The following NEMP2 variants were observed in gnomAD, a reference collection of about 807,000 sequenced individuals.
NEMP2 encodes the protein nuclear envelope integral membrane protein 2.
In NEMP2, 53 loss-of-function variants were observed where a neutral mutation model predicts 54.2. That is an observed-to-expected ratio of 0.98 (90% CI 0.78 to 1.23). The LOEUF is 1.23. Among genes scored for constraint, NEMP2 ranks in the 50% most tolerant of loss-of-function variants. The probability of loss-of-function intolerance (pLI) is 0.00; values close to 1 mark genes in which losing one functional copy is unlikely to be tolerated. For synonymous variants in NEMP2, 197 were observed against 190.3 expected (o/e 1.04, Z -0.29); for missense variants, 455 against 511.3 (o/e 0.89, Z 1.06).
rs2125322927 is a variant in NEMP2, at chr2:190,519,055, A to G, written c.342T>C (p.Ser114=). Reference sequence around the variant, plus strand: ...GATTGATGATTATGGTTATTTCGTTAGATTCCTTTGGTATCCAAAAGTTAT... The same window carrying G: ...GATTGATGATTATGGTTATTTCGTTGGATTCCTTTGGTATCCAAAAGTTAT... ...VIHNFWIPKE[S]NEITIIINPY... is the part of the protein sequence containing the mutation. Residue 114 remains serine, a synonymous_variant, in exon 3 of 9, where the codon TCT becomes TCC. Coordinates refer to ENST00000409150, the MANE Select transcript of NEMP2 (RefSeq NM_001142645.2). The surrounding 1 kb of genome is among the most constrained non-coding windows in gnomAD (Gnocchi z 5.4). The G allele has an allele frequency of 1.3e-6, 2 of 1,551,324 alleles. No homozygotes were observed. Among genetic ancestry groups the G allele is most frequent in the East Asian group, 4.9e-5 (2 of 40,904 alleles).
chr2:190,595,998 C>A, the NEMP2 span, among the ~76,000 whole-genome samples: 3 of 152,052 alleles, frequency 2.0e-5, no homozygotes. The surrounding 1 kb of genome is among the most constrained non-coding windows in gnomAD (Gnocchi z 4.0). Flanking sequence ...TGGAACCAAC[C>A]CAAATGTCCA....
rs1469954174 is a variant in NEMP2, at chr2:190,510,960, A to G, written c.954-423T>C. ...AATACTTCTTAACTTCCTCTATATCATATCTATACTTTTTTATTGCTGTTA... is the reference window on the plus strand; with the variant it reads ...AATACTTCTTAACTTCCTCTATATCGTATCTATACTTTTTTATTGCTGTTA... On this transcript the variant is annotated intron_variant, in intron 7 of 8. Coordinates refer to ENST00000409150, the MANE Select transcript of NEMP2 (RefSeq NM_001142645.2). The surrounding 1 kb of genome is among the most constrained non-coding windows in gnomAD (Gnocchi z 5.7). Among the ~76,000 whole-genome samples, 1 of 152,080 alleles carries G rather than the reference A, an allele frequency of 6.6e-6. No individual in the cohort carries two copies. Among genetic ancestry groups the G allele is most frequent in the Admixed American group, 6.5e-5 (1 of 15,272 alleles).
At chr2:190,499,051 A>C in the NEMP2 span, among the ~76,000 whole-genome samples, 1 of 152,162 alleles carries the variant, frequency 6.6e-6, no homozygotes, top group Non-Finnish European at 1.5e-5. This position sits in a 1 kb window ranked among gnomAD's most constrained non-coding sequence, Gnocchi z 6.0. Flanking sequence ...TGGAAGGCTG[A>C]GGCAGAGAAT....
chr2:190,489,947 T>G, the NEMP2 span: 8 of 1,212,500 alleles, frequency 6.6e-6, no homozygotes, highest in Admixed American at 2.2e-5. This position sits in a 1 kb window ranked among gnomAD's most constrained non-coding sequence, Gnocchi z 6.6. Context: ...AGCCTAGAAG[T>G]GGTACAGAGT....
the NEMP2 span, chr2:190,648,764 T>G: frequency 6.7e-6 from 1 of 149,772 alleles, no homozygotes; most frequent in African/African-American, 2.4e-5. Context: ...GGCGCCCACT[T>G]GGTTCCTCCC....
At chr2:190,457,079 G>A in the NEMP2 span, among the ~76,000 whole-genome samples, 2 of 152,140 alleles carry the variant, frequency 1.3e-5, no homozygotes, top group Non-Finnish European at 2.9e-5. The surrounding 1 kb of genome is among the most constrained non-coding windows in gnomAD (Gnocchi z 5.1). Context: ...CTGCTAGTCC[G>A]TTTCTTATGG....
chr2:190,584,188 C>G, the NEMP2 span, among the ~76,000 whole-genome samples: 1 of 152,174 alleles, frequency 6.6e-6, no homozygotes, highest in African/African-American at 2.4e-5. The surrounding 1 kb of genome is among the most constrained non-coding windows in gnomAD (Gnocchi z 4.2). Context: ...AAGTAGAATG[C>G]TTTCCTCTGA....
In NEMP2 at chr2:190,520,124, C is replaced by A. The variant is rs1024431898; in HGVS notation, c.214-941G>T. Among the ~76,000 whole-genome samples, 1 of 152,100 alleles carries A rather than the reference C, an allele frequency of 6.6e-6. No homozygotes were observed. The highest frequency in any genetic ancestry group is 1.5e-5 in the Non-Finnish European group (1 of 68,034). ...TATTGAAGTGTTCTGGAACCAAACC[C>A]ACAGTCACATTATCTCTGAAGTATG... On this transcript the variant is annotated intron_variant, in intron 2 of 8. Coordinates refer to ENST00000409150, the MANE Select transcript of NEMP2 (RefSeq NM_001142645.2). The surrounding 1 kb of genome is among the most constrained non-coding windows in gnomAD (Gnocchi z 5.4).
chr2:190,533,969 T>C lies in NEMP2; in HGVS notation c.97+590A>G, dbSNP rs1166755999. The C allele has an allele frequency of 4.1e-6, 4 of 984,986 alleles. No individual in the cohort carries two copies. The highest frequency in any genetic ancestry group is 6.2e-5 in the Admixed American group (1 of 16,258). The allele number at this position is 984,986 out of a possible 1,614,324, so 61.0% of individuals were successfully genotyped here. On this transcript the variant is annotated intron_variant, in intron 1 of 8. Coordinates refer to ENST00000409150, the MANE Select transcript of NEMP2 (RefSeq NM_001142645.2). The surrounding 1 kb of genome is among the most constrained non-coding windows in gnomAD (Gnocchi z 4.3). ...GTTCTTGCTTCCTGTGTGCCAGGCA[T>C]TGTGCACACGAACACCACAAGAACC...
the NEMP2 span, among the ~76,000 whole-genome samples, chr2:190,580,303 A>T: frequency 2.6e-5 from 4 of 152,194 alleles, no homozygotes; most frequent in Admixed American, 1.3e-4. This position sits in a 1 kb window ranked among gnomAD's most constrained non-coding sequence, Gnocchi z 5.3. Context: ...AAGCCTTGTG[A>T]TGCCATCTAA....
chr2:190,495,101 C>T, the NEMP2 span, among the ~76,000 whole-genome samples: 1 of 152,110 alleles, frequency 6.6e-6, no homozygotes, highest in East Asian at 1.9e-4. This position sits in a 1 kb window ranked among gnomAD's most constrained non-coding sequence, Gnocchi z 4.7. Flanking sequence ...CTAGAAAACC[C>T]TAAAGACTCC....
the NEMP2 span, among the ~76,000 whole-genome samples, chr2:190,568,783 T>C: frequency 1.3e-5 from 2 of 151,892 alleles, no homozygotes; most frequent in Non-Finnish European, 2.9e-5. The surrounding 1 kb of genome is among the most constrained non-coding windows in gnomAD (Gnocchi z 4.7). Context: ...GATTGCGCCA[T>C]TGCACTCCAA....
At chr2:190,641,697 G>A in the NEMP2 span, among the ~76,000 whole-genome samples, 1 of 152,172 alleles carries the variant, frequency 6.6e-6, no homozygotes, top group African/African-American at 2.4e-5. Flanking sequence ...ATTATTAATG[G>A]CCAGGAATGA....
chr2:190,589,867 C>T, the NEMP2 span, among the ~76,000 whole-genome samples: 1 of 152,156 alleles, frequency 6.6e-6, no homozygotes, highest in Admixed American at 6.5e-5. The surrounding 1 kb of genome is among the most constrained non-coding windows in gnomAD (Gnocchi z 4.3). Flanking sequence ...AATTCAAATA[C>T]CCCTATTTAG....
the NEMP2 span, among the ~76,000 whole-genome samples, chr2:190,571,928 C>A: frequency 1.3e-5 from 2 of 152,110 alleles, no homozygotes; most frequent in Admixed American, 6.5e-5. Flanking sequence ...CTACCCTCTC[C>A]ACCTCTCCCC....
rs1205292575 is a variant in NEMP2 at position 190,525,343 on chromosome 2, T to C, written c.133A>G (p.Ile45Val). The change falls in exon 2 of 9, where the codon ATT becomes GTT. Residue 45 changes from isoleucine (I) to valine (V), a missense_variant. Ile to Val is a conservative substitution (Grantham distance 29). Around this residue, in one of 3 missense-constraint regions of NEMP2, gnomAD observed 100 missense variants for 80.2 expected, o/e 1.25. Transcript: ENST00000409150. The surrounding 1 kb of genome is among the most constrained non-coding windows in gnomAD (Gnocchi z 5.0). Reference protein sequence around the residue: ...RCKALKEKDLIRTSESDCYCY... With the variant: ...RCKALKEKDLVRTSESDCYCY... ...TAACAGTCTGACTCAGACGTTCTAA[T>C]TAAATCTTTTTCCTTCAAAGCTTTA... The C allele has an allele frequency of 6.5e-7, 1 of 1,550,178 alleles. No homozygotes were observed. Among genetic ancestry groups the C allele is most frequent in the East Asian group, 2.4e-5 (1 of 40,894 alleles).
chr2:190,623,315 A>T, the NEMP2 span, among the ~76,000 whole-genome samples: 18 of 152,292 alleles, frequency 1.2e-4, no homozygotes, highest in South Asian at 3.5e-3. Context: ...TAGAAAAAAA[A>T]ACCCTAAAAT....
At chr2:190,494,287 C>T in the NEMP2 span, among the ~76,000 whole-genome samples, 11 of 152,058 alleles carry the variant, frequency 7.2e-5, no homozygotes, top group African/African-American at 2.7e-4. The surrounding 1 kb of genome is among the most constrained non-coding windows in gnomAD (Gnocchi z 5.7). Context: ...ACACAACCCT[C>T]CTAGCTTAAA....
At chr2:190,591,627 A>G in the NEMP2 span, among the ~76,000 whole-genome samples, 1 of 152,196 alleles carries the variant, frequency 6.6e-6, no homozygotes, top group East Asian at 1.9e-4. This position sits in a 1 kb window ranked among gnomAD's most constrained non-coding sequence, Gnocchi z 5.4. Context: ...ATACTAGTCA[A>G]TATGTGACAG....
Sources: gnomAD v4.1 joint callset for allele counts (sites outside exome capture counted in the v4.1 genomes callset) on GRCh38, gnomAD v4.1.1 for gene constraint, gnomAD v4.1.1 regional missense constraint, Gnocchi (gnomAD v3.1) non-coding constraint, MANE v1.5 for transcripts, NCBI Gene and HGNC (gene_info 2026-07-23, HGNC 2026-07-21) for gene names.